SNTG1: variants seen among roughly 807,000 people sequenced by gnomAD.
SNTG1 encodes gamma-1-syntrophin.
A neutral mutation model predicts 74.7 loss-of-function variants in SNTG1; 39 were observed. The ratio of observed to expected loss-of-function variants is 0.52; its 90% CI spans 0.40 to 0.68. The LOEUF is 0.68. SNTG1 is among the 30% of genes least tolerant of loss of function. The pLI is 0.00. For synonymous variants in SNTG1, 254 were observed against 217.1 expected (o/e 1.17, Z -1.49); for missense variants, 685 against 609.5 (o/e 1.12, Z -1.30).
chr8:50,636,572 G>T (rs1455284623), intron 13 of SNTG1, among the ~76,000 whole-genome samples: 1 of 152,072 alleles, frequency 6.6e-6, no homozygotes, highest in Non-Finnish European at 1.5e-5. Flanking sequence ...AATTCCCAAA[G>T]TCACTATGCT....
At chr8:50,541,662 A>G (rs1383794216) in intron 11 of SNTG1, among the ~76,000 whole-genome samples, 1 of 152,120 alleles carries the variant, frequency 6.6e-6, no homozygotes, top group Non-Finnish European at 1.5e-5. Context: ...TTATGTGAGA[A>G]CTATTCAAAT....
chr8:49,995,010 T>C (rs1585814590), intron 1 of SNTG1, among the ~76,000 whole-genome samples: 3 of 58,154 alleles, frequency 5.2e-5, no homozygotes, highest in African/African-American at 1.7e-4. Flanking sequence ...AATAAGAATG[T>C]TGAGTCCAAT....
chr8:50,274,964 A>C (rs867617145), intron 2 of SNTG1, among the ~76,000 whole-genome samples: 2 of 152,178 alleles, frequency 1.3e-5, no homozygotes, highest in South Asian at 2.1e-4. Context: ...ATCCTGTTGA[A>C]TTTGATTTGC....
chr8:50,461,659 T>C (rs1000449838), intron 8 of SNTG1, among the ~76,000 whole-genome samples: 9 of 152,216 alleles, frequency 5.9e-5, no homozygotes, highest in Admixed American at 1.3e-4. Flanking sequence ...GAACTCTTTC[T>C]GTGGACTTCA....
At chr8:50,572,312 G>A (rs561582359) in intron 12 of SNTG1, among the ~76,000 whole-genome samples, 1 of 150,868 alleles carries the variant, frequency 6.6e-6, no homozygotes, top group East Asian at 1.9e-4. Context: ...CTGATGTTTG[G>A]TGAATTCATG....
intron 1 of SNTG1, among the ~76,000 whole-genome samples, chr8:49,978,563 T>C (rs947664460): frequency 6.6e-6 from 1 of 152,216 alleles, no homozygotes; most frequent in African/African-American, 2.4e-5. Context: ...GGGCTTGTTT[T>C]GATTTTTTGA....
At chr8:50,691,501 G>C (rs1032123679) in intron 15 of SNTG1, among the ~76,000 whole-genome samples, 1 of 152,142 alleles carries the variant, frequency 6.6e-6, no homozygotes, top group East Asian at 1.9e-4. Context: ...TTATCCTTCA[G>C]TTATGAAGCT....
intron 1 of SNTG1, among the ~76,000 whole-genome samples, chr8:49,935,309 C>CTACTCCGA (rs1807964965): frequency 6.7e-6 from 1 of 149,614 alleles, no homozygotes; most frequent in South Asian, 2.1e-4. Flanking sequence ...GGAGAGCAAC[C>CTACTCCGA]TACTCCGATG....
At chr8:50,202,753 A>G (rs1292581519) in intron 2 of SNTG1, among the ~76,000 whole-genome samples, 1 of 146,406 alleles carries the variant, frequency 6.8e-6, no homozygotes, top group Non-Finnish European at 1.5e-5. Context: ...GCATTCCCTC[A>G]CCTCCCATTC....
intron 2 of SNTG1, among the ~76,000 whole-genome samples, chr8:50,195,194 G>A (rs2083717620): frequency 6.6e-6 from 1 of 151,984 alleles, no homozygotes; most frequent in African/African-American, 2.4e-5. Context: ...TGCCTCTGCT[G>A]AGTCATGCAG....
At chr8:50,190,779 G>A (rs943942697) in intron 2 of SNTG1, among the ~76,000 whole-genome samples, 1 of 152,108 alleles carries the variant, frequency 6.6e-6, no homozygotes. Context: ...GAGGTGACAT[G>A]CTTGGTCATT....
At chr8:50,791,081 A>T (rs2095689413) in intron 18 of SNTG1, among the ~76,000 whole-genome samples, 1 of 151,900 alleles carries the variant, frequency 6.6e-6, no homozygotes, top group African/African-American at 2.4e-5. Flanking sequence ...CAAACCTTTC[A>T]CATTAGGTGG....
chr8:50,161,475 G>A (rs2082413734), intron 1 of SNTG1, among the ~76,000 whole-genome samples: 1 of 152,180 alleles, frequency 6.6e-6, no homozygotes, highest in South Asian at 2.1e-4. Flanking sequence ...ACTATTAATA[G>A]ATTACATGGA....
At chr8:50,387,504 T>G (rs1007284650) in intron 2 of SNTG1, among the ~76,000 whole-genome samples, 1 of 152,134 alleles carries the variant, frequency 6.6e-6, no homozygotes, top group African/African-American at 2.4e-5. Context: ...CATTTTTTTT[T>G]GGTCCATGTT....
intron 17 of SNTG1, among the ~76,000 whole-genome samples, chr8:50,742,629 G>A (rs1394775818): frequency 6.6e-6 from 1 of 151,324 alleles, no homozygotes; most frequent in East Asian, 1.9e-4. Context: ...TCTTAAAGAA[G>A]TAGAAAAAGA....
chr8:50,249,636 A>G (rs1167326506), intron 2 of SNTG1, among the ~76,000 whole-genome samples: 1 of 152,202 alleles, frequency 6.6e-6, no homozygotes, highest in African/African-American at 2.4e-5. Flanking sequence ...TGACTAGTCC[A>G]CCACCCTTGC....
Position 50,531,251 on chromosome 8 carries a change from AG to A in SNTG1, c.549+994del, listed in dbSNP as rs557108476. On this transcript the variant is annotated intron_variant, in intron 10 of 18. Coordinates refer to ENST00000642720, the MANE Select transcript of SNTG1 (RefSeq NM_018967.5). ...GTAAAAAGAAATTTGCCAACACCAA[AG>A]GTTATCTGTACAAATCTAGGGATAT... 3.9e-5 allele frequency among the ~76,000 whole-genome samples: 6 copies of A among 152,166 alleles called. No homozygotes were observed. The South Asian group carries it at 1.2e-3, about 32-fold the overall frequency.
intron 13 of SNTG1, 136 bp from the exon 14 acceptor site, chr8:50,656,773 G>T: frequency 1.7e-6 from 1 of 592,686 alleles, no homozygotes. Context: ...CAATCAATTT[G>T]ATAATTTTAT....
At chr8:50,378,553 A>G (rs1029817334) in intron 2 of SNTG1, among the ~76,000 whole-genome samples, 2 of 152,134 alleles carry the variant, frequency 1.3e-5, no homozygotes, top group Non-Finnish European at 2.9e-5. Context: ...AGCAAGACAA[A>G]GAGGAGCTTT....
Sources: allele counts gnomAD v4.1 joint callset (sites outside exome capture counted in the v4.1 genomes callset), GRCh38; gene constraint gnomAD v4.1.1; transcripts MANE v1.5; gene names NCBI Gene and HGNC (gene_info 2026-07-23, HGNC 2026-07-21).